The following CFAP47 variants were observed in gnomAD, a reference collection of about 807,000 sequenced individuals.
CFAP47 encodes cilia- and flagella-associated protein 47.
CFAP47 carries 29 observed loss-of-function variants against 148.1 expected under a neutral mutation model. The observed-to-expected ratio is 0.20, with a 90% CI of 0.15 to 0.27. The LOEUF is 0.27. Ranked by LOEUF, CFAP47 falls within the 10% of genes least tolerant of loss-of-function variation. The pLI, the probability that CFAP47 is intolerant of heterozygous loss-of-function variation, is 1.00. For synonymous variants in CFAP47, 664 were observed against 577.3 expected (o/e 1.15, Z -2.15); for missense variants, 1,872 against 1,697.5 (o/e 1.10, Z -1.81).
At chrX:36,248,683 A>C (rs1213423345) in intron 48 of CFAP47, among the ~76,000 whole-genome samples, 1 of 109,973 alleles carries the variant, frequency 9.1e-6, no homozygotes, top group African/African-American at 3.3e-5. Flanking sequence ...AATCAATGAG[A>C]TCTAATAGAC....
intron 56 of CFAP47, among the ~76,000 whole-genome samples, chrX:36,315,690 T>C (rs1292218328): frequency 5.4e-5 from 6 of 111,872 alleles, no homozygotes; most frequent in African/African-American, 1.9e-4. Context: ...CCTCAACCTA[T>C]GGATGACAGG....
At chrX:35,942,645 A>G (rs927552717) in intron 3 of CFAP47, among the ~76,000 whole-genome samples, 1 of 111,746 alleles carries the variant, frequency 8.9e-6, no homozygotes, top group Admixed American at 9.6e-5. Flanking sequence ...TTGTATATTC[A>G]ATAACCTTCA....
chrX:36,189,195 A>G (rs1877986372), intron 41 of CFAP47, among the ~76,000 whole-genome samples: 1 of 111,431 alleles, frequency 9.0e-6, no homozygotes, highest in Non-Finnish European at 1.9e-5. Context: ...CAAATTAATA[A>G]TAATGGTTAT....
intron 33 of CFAP47, among the ~76,000 whole-genome samples, chrX:36,137,680 CA>C (rs1269286545): frequency 9.0e-6 from 1 of 110,659 alleles, no homozygotes; most frequent in Non-Finnish European, 1.9e-5. Context: ...AATTTTGAAA[CA>C]TTGAATTTCT....
intron 39 of CFAP47, among the ~76,000 whole-genome samples, chrX:36,172,643 T>G (rs1216549589): frequency 9.0e-6 from 1 of 111,212 alleles, no homozygotes; most frequent in African/African-American, 3.3e-5. Flanking sequence ...ATCCCAGGGA[T>G]GAAGCCCACT....
intron 1 of CFAP47, among the ~76,000 whole-genome samples, chrX:35,924,545 A>T (rs1298103062): frequency 9.5e-6 from 1 of 105,281 alleles, no homozygotes; most frequent in Non-Finnish European, 2.0e-5. Context: ...ATGTGCACCT[A>T]TATGTGTATA....
Position 35,953,703 on chromosome X carries a change from C to A in CFAP47, c.1158C>A (p.Asp386Glu). Residue 386 changes from aspartate to glutamate, a missense_variant, in exon 7 of 64, where the codon GAC (aspartate) becomes GAA (glutamate). Transcript: ENST00000378653. ...GSKDGFLRDD[D>E]YKTIKSERFQ... ...AAGATGGATTTTTGAGAGATGATGA[C>A]TATAAAACCATCAAAAGTAAGTGTG... The A allele has an allele frequency of 8.4e-7, 1 of 1,185,636 alleles. No homozygotes were observed. The highest frequency in any genetic ancestry group is 1.8e-5 in the African/African-American group (1 of 56,803).
chrX:36,251,571 T>C (rs1364743671), intron 49 of CFAP47, 127 bp downstream of exon 49: 1 of 346,158 alleles, frequency 2.9e-6, no homozygotes, highest in Non-Finnish European at 5.0e-6. Context: ...AAGTTTAATT[T>C]TATATTTCAG....
At chrX:36,110,766 G>T (rs1341237605) in intron 33 of CFAP47, among the ~76,000 whole-genome samples, 1 of 111,693 alleles carries the variant, frequency 9.0e-6, no homozygotes, top group Admixed American at 9.5e-5. Context: ...CCATCTGTTG[G>T]TGTCATCTCT....
At chrX:36,287,799 C>T (rs1296467973) in intron 51 of CFAP47, among the ~76,000 whole-genome samples, 2 of 111,798 alleles carry the variant, frequency 1.8e-5, no homozygotes, top group Non-Finnish European at 3.8e-5. Flanking sequence ...CCCTCTTTAA[C>T]TTTCAGACAT....
rs1447876864 is a variant in CFAP47, at chrX:36,035,702, T to C, written c.3659T>C (p.Val1220Ala). Reference sequence around the variant, plus strand: ...TTTTGTGTGTGTGAGCAGAATCTTGTTTTATATAATATTACCAAACACCAT... The same window carrying C: ...TTTTGTGTGTGTGAGCAGAATCTTGCTTTATATAATATTACCAAACACCAT... The part of the protein sequence containing the change: ...NNKVTKTQNL[V>A]LYNITKHHVT... Residue 1220 changes from valine to alanine, a missense_variant, in exon 24 of 64, where the codon GTT (valine) becomes GCT (alanine). Physicochemically the swap from Val to Ala is moderately conservative, Grantham distance 64. Transcript: ENST00000378653. 1 of 293,949 alleles carries C rather than the reference T, an allele frequency of 3.4e-6. No individual in the cohort carries two copies. Among genetic ancestry groups the C allele is most frequent in the African/African-American group, 2.8e-5 (1 of 36,255 alleles). The allele number at this position is 293,949 out of a possible 1,213,427, so 24.2% of individuals were successfully genotyped here. A position where few individuals can be genotyped will look rare whatever the true frequency, so the allele number is the denominator to read the frequency against.
chrX:35,934,812 G>A (rs1013440973), intron 2 of CFAP47, among the ~76,000 whole-genome samples: 5 of 110,672 alleles, frequency 4.5e-5, no homozygotes, highest in African/African-American at 1.6e-4. Flanking sequence ...TCCCTTCAAG[G>A]CAATAGGTTT....
At chrX:36,098,719 T>C (rs917905552) in intron 30 of CFAP47, 74 bp from the exon 31 acceptor site, 7 of 464,944 alleles carry the variant, frequency 1.5e-5, no homozygotes, top group Non-Finnish European at 2.1e-5. Flanking sequence ...AAATATTTAA[T>C]TGATGGTCAA....
intron 39 of CFAP47, among the ~76,000 whole-genome samples, chrX:36,169,465 C>G (rs1939538454): frequency 9.1e-6 from 1 of 110,329 alleles, no homozygotes; most frequent in African/African-American, 3.3e-5. Flanking sequence ...TATTTTTCTC[C>G]CTGTTCCTCA....
intron 51 of CFAP47, among the ~76,000 whole-genome samples, chrX:36,297,356 CT>C (rs1289846750): frequency 1.8e-5 from 2 of 111,963 alleles, no homozygotes; most frequent in African/African-American, 3.2e-5. Flanking sequence ...TTTGTCACCC[CT>C]GTAACATGAT....
rs779135452 is a variant in CFAP47 at position 36,146,507 on chromosome X, A to G, written c.5670+1154A>G. On this transcript the variant is annotated intron_variant, in intron 36 of 63. Coordinates refer to ENST00000378653, the MANE Select transcript of CFAP47 (RefSeq NM_001304548.2). ...ACAAATATACCTTTCATTTTTCACA[A>G]TGTAAGAAAAATTTTTGAAAGAAGA... Among the ~76,000 whole-genome samples the G allele has an allele frequency of 9.8e-5, 11 of 111,901 alleles. No individual in the cohort carries two copies. The South Asian group carries it at 3.7e-3, about 37-fold the overall frequency.
chrX:36,118,332 G>A lies in CFAP47; in HGVS notation c.5320+13641G>A, dbSNP rs757376409. Among the ~76,000 whole-genome samples, 6 of 111,329 alleles carry A rather than the reference G, an allele frequency of 5.4e-5. No homozygotes were observed. The South Asian group carries it at 2.2e-3, about 42-fold the overall frequency. ...TGGAATCTGTAGTTTGCTTTGGGTG[G>A]TATGGACATTTAAAAGATATTTATT... On this transcript the variant is annotated intron_variant, in intron 33 of 63. Coordinates refer to ENST00000378653, the MANE Select transcript of CFAP47 (RefSeq NM_001304548.2).
chrX:35,972,154 T>G (rs1936503496), intron 13 of CFAP47, among the ~76,000 whole-genome samples, 189 bp downstream of exon 13: 1 of 112,246 alleles, frequency 8.9e-6, no homozygotes, highest in Admixed American at 9.5e-5. Context: ...TAAAGTTATA[T>G]AACCACCTTC....
intron 2 of CFAP47, among the ~76,000 whole-genome samples, chrX:35,926,616 T>C (rs925751038): frequency 9.0e-6 from 1 of 111,504 alleles, no homozygotes; most frequent in Non-Finnish European, 1.9e-5. Flanking sequence ...TTGTTGTTTT[T>C]TAATATTAAA....
Sources: allele counts gnomAD v4.1 joint callset (sites outside exome capture counted in the v4.1 genomes callset), GRCh38; gene constraint gnomAD v4.1.1; transcripts MANE v1.5; gene names NCBI Gene and HGNC (gene_info 2026-07-23, HGNC 2026-07-21).